The following DDX60L variants were observed in gnomAD, a reference collection of about 807,000 sequenced individuals.
DDX60L encodes the protein DExD/H-box 60 like, also known as probable ATP-dependent RNA helicase DDX60-like.
In DDX60L, 191 loss-of-function variants were observed where a neutral mutation model predicts 211.6. The ratio of observed to expected loss-of-function variants is 0.90; its 90% CI spans 0.80 to 1.02. The LOEUF (loss-of-function observed/expected upper bound fraction) is 1.02, where lower values mean the gene tolerates loss of function less well. DDX60L is among the 50% of genes least tolerant of loss of function. The pLI, the probability that DDX60L is intolerant of heterozygous loss-of-function variation, is 0.00. For synonymous variants in DDX60L, 706 were observed against 694.1 expected (o/e 1.02, Z -0.27); for missense variants, 2,007 against 1,984.1 (o/e 1.01, Z -0.22).
At chr4:168,406,116 T>G in intron 23 of DDX60L, 38 bp from the exon 24 acceptor site, 1 of 1,570,968 alleles carries the variant, frequency 6.4e-7, no homozygotes, top group South Asian at 1.2e-5. Flanking sequence ...AGCTAAGCTA[T>G]GCAATCTATA....
chr4:168,449,128 A>T (rs2150040917), intron 8 of DDX60L, among the ~76,000 whole-genome samples: 1 of 152,234 alleles, frequency 6.6e-6, no homozygotes, highest in South Asian at 2.1e-4. Flanking sequence ...ACAGTTGCAA[A>T]CTGGTTCCAT....
chr4:168,449,615 T>C (rs965829049), intron 8 of DDX60L, among the ~76,000 whole-genome samples: 1 of 17,720 alleles, frequency 5.6e-5, no homozygotes, highest in Non-Finnish European at 7.9e-5. Context: ...TAGAGTATAA[T>C]AAAAAAAAAA....
chr4:168,441,207 A>C, intron 10 of DDX60L, 130 bp downstream of exon 10: 1 of 858,542 alleles, frequency 1.2e-6, no homozygotes, highest in South Asian at 1.8e-5. Context: ...TTAAACCTCA[A>C]TTAAGAGGTA....
chr4:168,440,419 A>T (rs1253873029), intron 10 of DDX60L, among the ~76,000 whole-genome samples: 1 of 152,230 alleles, frequency 6.6e-6, no homozygotes, highest in Non-Finnish European at 1.5e-5. Context: ...ATGTAAGAAT[A>T]TTCATAACAG....
rs61995743 is a variant in DDX60L, at chr4:168,396,074, T to C, written c.3542A>G (p.Tyr1181Cys). ...CAGGAAATTAATATATTCAGCTCTA[T>C]ACACTTTTTTTCTTTCCAGTTTTTC... ...KAEKLERKKV[Y>C]RAEYINFLEN... The change falls in exon 27 of 38, where the codon TAT becomes TGT. Residue 1181 changes from tyrosine to cysteine, a missense_variant. Tyr to Cys is a radical substitution (Grantham distance 194). Transcript: ENST00000682922. 0.01 allele frequency: 16,239 copies of C among 1,586,172 alleles called. 92 individuals are homozygous for C. The highest frequency in any genetic ancestry group is 0.021 in the Middle Eastern group (112 of 5,212).
intron 9 of DDX60L, among the ~76,000 whole-genome samples, chr4:168,443,843 C>A (rs931204787): frequency 1.3e-5 from 2 of 150,752 alleles, no homozygotes; most frequent in Admixed American, 6.6e-5. Context: ...ATTTTGTCAC[C>A]ACCAGGCCTG....
intron 8 of DDX60L, among the ~76,000 whole-genome samples, chr4:168,451,869 AC>A (rs931191073): frequency 4.5e-4 from 69 of 151,974 alleles, no homozygotes; most frequent in African/African-American, 1.6e-3. Context: ...TCTCTTGAAA[AC>A]CTTTTGCTCT....
intron 28 of DDX60L, 45 bp downstream of exon 28, chr4:168,394,419 AT>A (rs754531952): frequency 1.5e-6 from 2 of 1,325,206 alleles, no homozygotes; most frequent in East Asian, 5.2e-5. Context: ...ATTCAGCATC[AT>A]AATATGCACA....
chr4:168,472,681 AAGATTG>A lies in DDX60L; in HGVS notation c.4+9_4+14del. 6.2e-7 allele frequency: 1 copy of A among 1,613,398 alleles called. No homozygotes were observed. Among genetic ancestry groups the A allele is most frequent in the Non-Finnish European group, 8.5e-7 (1 of 1,179,602 alleles). On this transcript the variant is annotated intron_variant, in intron 2 of 37. Transcript: ENST00000682922. ...GTTGCTTTATAGGCTACAAATATCA[AAGATTG>A]AGAATTACCCATCGTTGCTGCTTCT...
intron 16 of DDX60L, 113 bp from the exon 17 acceptor site, chr4:168,422,022 G>C: frequency 2.2e-6 from 3 of 1,364,988 alleles, no homozygotes; most frequent in East Asian, 2.3e-5. Flanking sequence ...CTACCTTTGG[G>C]GGAACTCCCT....
At chr4:168,469,012 T>G (rs140877561) in intron 4 of DDX60L, 1 of 152,232 alleles carries the variant, frequency 6.6e-6, no homozygotes, top group Non-Finnish European at 1.5e-5. Context: ...AAGACTATAT[T>G]GGTCTACAAA....
At position 168,406,669 on chromosome 4, in the gene DDX60L, G is replaced by A. The variant is rs574061891; in HGVS notation, c.3017C>T (p.Thr1006Ile). ...ATAAAGCTGGATGCTTTCTTGAGGGGTGAGGGTAAGATCAGGTGGGAATCC... is the reference window on the plus strand; with the variant it reads ...ATAAAGCTGGATGCTTTCTTGAGGGATGAGGGTAAGATCAGGTGGGAATCC... ...KYGFPPDLTL[T>I]PQESIQLYDT... The change falls in exon 23 of 38, where the codon ACC becomes ATC. Residue 1006 changes from threonine to isoleucine, a missense_variant. Transcript: ENST00000682922. The A allele has an allele frequency of 2.1e-5, 34 of 1,607,090 alleles. No homozygotes were observed. Among genetic ancestry groups the A allele is most frequent in the African/African-American group, 1.3e-4 (10 of 74,800 alleles).
chr4:168,393,440 G>A (rs1451373434), intron 28 of DDX60L, among the ~76,000 whole-genome samples: 1 of 152,070 alleles, frequency 6.6e-6, no homozygotes, highest in Non-Finnish European at 1.5e-5. Flanking sequence ...AGGTTGCAGT[G>A]AGCCGAGATT....
intron 4 of DDX60L, among the ~76,000 whole-genome samples, chr4:168,464,713 T>C (rs1014773504): frequency 1.6e-4 from 25 of 152,112 alleles, no homozygotes; most frequent in African/African-American, 6.0e-4. Context: ...GTTGGAAACA[T>C]GCCAAATCTG....
In DDX60L at chr4:168,427,143, T is replaced by G. The variant is rs771634023; in HGVS notation, c.1857A>C (p.Ser619=). The change falls in exon 14 of 38, where the codon TCA becomes TCC. Residue 619 remains serine, a synonymous_variant. Transcript: ENST00000682922. ...CTAACATTTCAACTCCAAATTTCAC[T>G]GAATTACTTGCACATGATGTCAAAT... The part of the protein sequence containing the change: ...EDYLTSCASN[S]VKFGVEMLGL... 10 of 1,609,882 alleles carry G rather than the reference T, an allele frequency of 6.2e-6. No homozygotes were observed. Among genetic ancestry groups the G allele is most frequent in the Non-Finnish European group, 8.5e-7 (1 of 1,177,478 alleles).
chr4:168,358,303 A>AAAT, intron 37 of DDX60L, 27 bp from the exon 38 acceptor site: 1 of 1,426,450 alleles, frequency 7.0e-7, no homozygotes, highest in African/African-American at 1.5e-5. Context: ...AATAATAAAA[A>AAAT]AATAATGAGC....
intron 33 of DDX60L, among the ~76,000 whole-genome samples, chr4:168,376,822 TATGTTTCCCAA>T (rs1560943643): frequency 4.6e-5 from 7 of 152,230 alleles, no homozygotes; most frequent in African/African-American, 1.7e-4. Context: ...AGGTAGCAAC[TATGTTTCCCAA>T]TCATGATTTT....
chr4:168,363,660 A>C (rs78891995), intron 36 of DDX60L, among the ~76,000 whole-genome samples: 3,954 of 152,320 alleles, frequency 0.026, 134 homozygotes, highest in East Asian at 0.11. Flanking sequence ...AAGACTCTTT[A>C]TGTTAGCACA....
In DDX60L at chr4:168,396,131, T is replaced by C; in HGVS notation, c.3492-7A>G. 2.3e-6 allele frequency: 3 copies of C among 1,328,378 alleles called. No individual in the cohort carries two copies. The highest frequency in any genetic ancestry group is 3.0e-6 in the Non-Finnish European group (3 of 1,001,906). 82.3% of individuals were successfully genotyped at this position (1,328,378 alleles called of 1,614,324 possible). ...CTTTGGGTTTTTTTTAGTGCTACTA[T>C]TTAAAAAAAAAAAAAAACTTTTAAG... On this transcript the variant is annotated splice_region_variant and splice_polypyrimidine_tract_variant and intron_variant, in intron 26 of 37. Coordinates refer to ENST00000682922, the MANE Select transcript of DDX60L (RefSeq NM_001012967.3).
Sources: allele counts gnomAD v4.1 joint callset (sites outside exome capture counted in the v4.1 genomes callset), GRCh38; gene constraint gnomAD v4.1.1; transcripts MANE v1.5; gene names NCBI Gene and HGNC (gene_info 2026-07-23, HGNC 2026-07-21).